BRCA2: variants seen among roughly 807,000 people sequenced by gnomAD.
BRCA2 encodes the protein breast cancer type 2 susceptibility protein.
A neutral mutation model predicts 276.7 loss-of-function variants in BRCA2; 203 were observed. The ratio of observed to expected loss-of-function variants is 0.73; its 90% CI spans 0.65 to 0.82. The LOEUF is 0.82. BRCA2 is among the 40% of genes least tolerant of loss of function. The pLI, the probability that BRCA2 is intolerant of heterozygous loss-of-function variation, is 0.00. For synonymous variants in BRCA2, 1,289 were observed against 1,338.4 expected, an observed-to-expected ratio of 0.96 and a Z score of 0.81; for missense variants, 3,920 against 3,915.0, an observed-to-expected ratio of 1.00 and a Z score of -0.03.
In BRCA2 at chr13:32,336,548, A is replaced by AGAGGTC. The variant is rs1593896305; in HGVS notation, c.2194_2199dup (p.Glu732_Val733dup). 2.5e-6 allele frequency: 4 copies of AGAGGTC among 1,614,098 alleles called. No homozygotes were observed. Among genetic ancestry groups the AGAGGTC allele is most frequent in the Non-Finnish European group, 3.4e-6 (4 of 1,180,000 alleles). On this transcript the variant is annotated inframe_insertion, in exon 11 of 27. Transcript: ENST00000380152. The stretch of plus-strand genomic sequence containing the variant: ...GCAAAAAAGTTTCAGATATAAAAGA[A>AGAGGTC]GAGGTCTTGGCTGCAGCATGTCACC...
At chr13:32,364,097 T>C (rs757056053) in intron 18 of BRCA2, among the ~76,000 whole-genome samples, 1 of 152,210 alleles carries the variant, frequency 6.6e-6, no homozygotes, top group Non-Finnish European at 1.5e-5. Flanking sequence ...ATTTTTAAGG[T>C]AAAGATATAT....
chr13:32,349,678 T>C (rs1309847305), intron 13 of BRCA2, among the ~76,000 whole-genome samples: 3 of 151,812 alleles, frequency 2.0e-5, no homozygotes, highest in Non-Finnish European at 4.4e-5. Context: ...TAGCTCGGCA[T>C]GGTAGCATGC....
In BRCA2 at chr13:32,379,398, T is replaced by C. The variant is rs535486498; in HGVS notation, c.8836T>C (p.Leu2946=). The part of the protein sequence containing the change: ...LNDKKQAQIQ[L]EIRKAMESAE... The stretch of plus-strand genomic sequence containing the variant: ...TGATAAGAAACAAGCTCAGATCCAG[T>C]TGGAAATTAGGAAGGCCATGGAATC... Residue 2946 remains leucine, a synonymous_variant, in exon 22 of 27, where the codon TTG becomes CTG. Transcript: ENST00000380152. 3 of 1,613,736 alleles carry C rather than the reference T, an allele frequency of 1.9e-6. No individual in the cohort carries two copies. Among genetic ancestry groups the C allele is most frequent in the African/African-American group, 2.7e-5 (2 of 74,980 alleles).
At chr13:32,345,678 A>G (rs1476830072) in intron 12 of BRCA2, among the ~76,000 whole-genome samples, 1 of 152,054 alleles carries the variant, frequency 6.6e-6, no homozygotes, top group Non-Finnish European at 1.5e-5. Context: ...ACAATACATA[A>G]TGAGATATCT....
In BRCA2 at chr13:32,340,219, C is replaced by T. The variant is rs80358815; in HGVS notation, c.5864C>T (p.Ser1955Leu). Residue 1955 changes from serine (S) to leucine (L), a missense_variant, in exon 11 of 27, where the codon TCA becomes TTA. Physicochemically the swap from Ser to Leu is moderately radical, Grantham distance 145 (BLOSUM62 -2). Transcript: ENST00000380152. ...CCTTGTGATGTTAGTTTGGAAACTT[C>T]AGATATATGTAAATGTAGTATAGGG... is the stretch of plus-strand genomic sequence containing the variant. ...ISPCDVSLET[S>L]DICKCSIGKL... 6.2e-7 allele frequency: 1 copy of T among 1,613,908 alleles called. No homozygotes were observed. The highest frequency in any genetic ancestry group is 1.3e-5 in the African/African-American group (1 of 75,024).
chr13:32,370,724 C>T (rs958055257), intron 19 of BRCA2, among the ~76,000 whole-genome samples, 167 bp downstream of exon 19: 19 of 152,182 alleles, frequency 1.2e-4, no homozygotes, highest in Non-Finnish European at 2.9e-5. Flanking sequence ...TCTCCTGCCT[C>T]AGCCTCTCAA....
In BRCA2 at chr13:32,325,179, T is replaced by G; in HGVS notation, c.420T>G (p.Ser140Arg). 1 of 1,558,182 alleles carries G rather than the reference T, an allele frequency of 6.4e-7. No individual in the cohort carries two copies. The highest frequency in any genetic ancestry group is 8.8e-7 in the Non-Finnish European group (1 of 1,129,958). ...VSCPLLNSCL[S>R]ESPVVLQCTH... is the part of the protein sequence containing the mutation. The stretch of plus-strand genomic sequence containing the variant: ...GTCCACTTCTAAATTCTTGTCTTAG[T>G]GAAAGGTATGATGAAGCTATTATAT... The change falls in exon 4 of 27, where the codon AGT becomes AGG. Residue 140 changes from serine (S) to arginine (R), a missense_variant. By Grantham distance (110) the Ser-to-Arg change is moderately radical (BLOSUM62 -1). This residue lies in a region of BRCA2 where 3,263 missense variants were observed against 3,156.9 expected (regional missense o/e 1.03). Coordinates refer to ENST00000380152, the MANE Select transcript of BRCA2 (RefSeq NM_000059.4).
In BRCA2 at chr13:32,332,370, A is replaced by ATACTT; in HGVS notation, c.892_893insTACTT (p.Thr298IlefsTer5). On this transcript the variant is annotated frameshift_variant, in exon 10 of 27. Coordinates refer to ENST00000380152, the MANE Select transcript of BRCA2 (RefSeq NM_000059.4). LOFTEE classifies it high-confidence loss of function. ...TGTCCTAGAAGATGAAGTATATGAA[A>ATACTT]CAGTTGTAGATACCTCTGAAGAAGA... 3 of 1,595,996 alleles carry ATACTT rather than the reference A, an allele frequency of 1.9e-6. No homozygotes were observed. Among genetic ancestry groups the ATACTT allele is most frequent in the Non-Finnish European group, 2.6e-6 (3 of 1,170,550 alleles).
intron 16 of BRCA2, among the ~76,000 whole-genome samples, chr13:32,358,373 G>T (rs1266180228): frequency 6.6e-6 from 1 of 151,884 alleles, no homozygotes; most frequent in Non-Finnish European, 1.5e-5. Context: ...CTACTCTGGA[G>T]GCTGAGGCAG....
rs80359066 is a variant in BRCA2, at chr13:32,363,390, G to C, written c.8188G>C (p.Ala2730Pro). ...ELTDGWYAVKAQLDPPLLAVL... is the reference protein window; with the variant it reads ...ELTDGWYAVKPQLDPPLLAVL... Reference sequence around the variant, plus strand: ...TACAGATGGGTGGTATGCTGTTAAGGCCCAGTTAGATCCTCCCCTCTTAGC... The same window carrying C: ...TACAGATGGGTGGTATGCTGTTAAGCCCCAGTTAGATCCTCCCCTCTTAGC... Residue 2730 changes from alanine (A) to proline (P), a missense_variant, in exon 18 of 27, where the codon GCC (alanine) becomes CCC (proline). Physicochemically the swap from Ala to Pro is conservative, Grantham distance 27. Transcript: ENST00000380152. The C allele has an allele frequency of 3.1e-6, 5 of 1,613,962 alleles. No individual in the cohort carries two copies. The African/African-American group carries it at 6.7e-5, about 22-fold the overall frequency.
Position 32,370,443 on chromosome 13 carries a change from A to G in BRCA2, c.8373A>G (p.Lys2791=), listed in dbSNP as rs759420926. 1.9e-6 allele frequency: 3 copies of G among 1,613,972 alleles called. No homozygotes were observed. Among genetic ancestry groups the G allele is most frequent in the Non-Finnish European group, 1.7e-6 (2 of 1,179,878 alleles). Residue 2791 remains lysine (K), a synonymous_variant, in exon 19 of 27, where the codon AAA becomes AAG. Coordinates refer to ENST00000380152, the MANE Select transcript of BRCA2 (RefSeq NM_000059.4). ...CTCGGCCTGCTCGCTGGTATACCAAACTTGGATTCTTTCCTGACCCTAGAC... is the reference window on the plus strand; with the variant it reads ...CTCGGCCTGCTCGCTGGTATACCAAGCTTGGATTCTTTCCTGACCCTAGAC... ...NSTRPARWYT[K]LGFFPDPRPF...
In BRCA2 at chr13:32,357,821, A is replaced by T; in HGVS notation, c.7697A>T (p.Asp2566Val). ...GAGTCTTTTCAGTTTCACACTGAAGATTATTTTGGTAAGGAAAGTTTATGG... is the reference window on the plus strand; with the variant it reads ...GAGTCTTTTCAGTTTCACACTGAAGTTTATTTTGGTAAGGAAAGTTTATGG... Reference protein sequence around the residue: ...NAESFQFHTEDYFGKESLWTG... With the variant: ...NAESFQFHTEVYFGKESLWTG... Residue 2566 changes from aspartate to valine, a missense_variant, in exon 16 of 27, where the codon GAT becomes GTT. Around this residue, in one of 2 missense-constraint regions of BRCA2, gnomAD observed 3,263 missense variants for 3,156.9 expected, o/e 1.03. Transcript: ENST00000380152. The T allele has an allele frequency of 6.2e-7, 1 of 1,613,938 alleles. No homozygotes were observed. Among genetic ancestry groups the T allele is most frequent in the Non-Finnish European group, 8.5e-7 (1 of 1,179,872 alleles).
At chr13:32,349,248 AT>A (rs1227259386) in intron 13 of BRCA2, among the ~76,000 whole-genome samples, 1 of 150,836 alleles carries the variant, frequency 6.6e-6, no homozygotes, top group Non-Finnish European at 1.5e-5. Context: ...AAGATGGTGA[AT>A]TGAACATACT....
At chr13:32,331,591 T>C (rs1180809940) in intron 9 of BRCA2, among the ~76,000 whole-genome samples, 1 of 152,098 alleles carries the variant, frequency 6.6e-6, no homozygotes, top group Non-Finnish European at 1.5e-5. Flanking sequence ...CTAATTTGAT[T>C]TCGATGACAG....
chr13:32,369,781 C>T (rs564973500), intron 18 of BRCA2, among the ~76,000 whole-genome samples: 8 of 152,272 alleles, frequency 5.3e-5, no homozygotes, highest in African/African-American at 1.9e-4. Context: ...ACCATGTTGG[C>T]CCGGGTGGTC....
Position 32,378,007 on chromosome 13 carries a change from C to T in BRCA2, c.8754+1216C>T, listed in dbSNP as rs562197342. Among the ~76,000 whole-genome samples, 12 of 152,224 alleles carry T rather than the reference C, an allele frequency of 7.9e-5. No individual in the cohort carries two copies. In the East Asian group the frequency reaches 1.9e-3, roughly 24 times the overall value. ...GGGTTCTCCCTGTGAGAAGTGAGTC[C>T]GGTTTTAAAACCTGTGAGTATACTT... On this transcript the variant is annotated intron_variant, in intron 21 of 26. Transcript: ENST00000380152.
chr13:32,354,484 G>A (rs546834421), intron 13 of BRCA2, among the ~76,000 whole-genome samples: 1 of 152,280 alleles, frequency 6.6e-6, no homozygotes, highest in South Asian at 2.1e-4. Context: ...AATTGAAAGA[G>A]GGGATCTCCT....
rs1555281903 is a variant in BRCA2, at chr13:32,332,893, A to T, written c.1415A>T (p.Gln472Leu). ...ETVVNKRDEEQHLESHTDCIL... is the reference protein window; with the variant it reads ...ETVVNKRDEELHLESHTDCIL... ...GTGGTAAATAAGAGAGATGAAGAGC[A>T]GCATCTTGAATCTCATACAGACTGC... is the stretch of plus-strand genomic sequence containing the variant. Residue 472 changes from glutamine to leucine, a missense_variant, in exon 10 of 27, where the codon CAG becomes CTG. By Grantham distance (113) the Gln-to-Leu change is moderately radical. Coordinates refer to ENST00000380152, the MANE Select transcript of BRCA2 (RefSeq NM_000059.4). The T allele has an allele frequency of 6.2e-7, 1 of 1,611,258 alleles. No individual in the cohort carries two copies. Among genetic ancestry groups the T allele is most frequent in the Non-Finnish European group, 8.5e-7 (1 of 1,179,368 alleles).
rs80358405 is a variant in BRCA2, at chr13:32,398,753, A to T, written c.10240A>T (p.Thr3414Ser). 1 of 1,613,942 alleles carries T rather than the reference A, an allele frequency of 6.2e-7. No individual in the cohort carries two copies. The highest frequency in any genetic ancestry group is 8.5e-7 in the Non-Finnish European group (1 of 1,179,962). The change falls in exon 27 of 27, where the codon ACT (threonine) becomes TCT (serine). Residue 3414 changes from threonine to serine, a missense_variant. By Grantham distance (58) the Thr-to-Ser change is moderately conservative. Coordinates refer to ENST00000380152, the MANE Select transcript of BRCA2 (RefSeq NM_000059.4). ...CEKNKQDTITTKKYI is the reference protein window; with the variant it reads ...CEKNKQDTITSKKYI Reference sequence around the variant, plus strand: ...GAAAAATAAGCAGGACACAATTACAACTAAAAAATATATCTAAGCATTTGC... The same window carrying T: ...GAAAAATAAGCAGGACACAATTACATCTAAAAAATATATCTAAGCATTTGC...
Sources: gnomAD v4.1 joint callset for allele counts (sites outside exome capture counted in the v4.1 genomes callset) on GRCh38, gnomAD v4.1.1 for gene constraint, gnomAD v4.1.1 regional missense constraint, MANE v1.5 for transcripts, NCBI Gene and HGNC (gene_info 2026-07-23, HGNC 2026-07-21) for gene names.